FRMD4B: variants seen among roughly 807,000 people sequenced by gnomAD.
FRMD4B encodes FERM domain-containing protein 4B.
In FRMD4B, 74 loss-of-function variants were observed where a neutral mutation model predicts 141.5. The observed-to-expected ratio is 0.52, with a 90% CI of 0.43 to 0.63. The LOEUF (loss-of-function observed/expected upper bound fraction) is 0.63. Ranked by LOEUF, FRMD4B falls within the 30% of genes least tolerant of loss-of-function variation. FRMD4B has a pLI of 0.00. For synonymous variants in FRMD4B, 506 were observed against 467.9 expected, an observed-to-expected ratio of 1.08 and a Z score of -1.05; for missense variants, 1,366 against 1,253.4, an observed-to-expected ratio of 1.09 and a Z score of -1.36.
chr3:69,373,833 A>T (rs2872807), intron 1 of FRMD4B, among the ~76,000 whole-genome samples: 142,162 of 152,346 alleles, frequency 0.93, 66,324 homozygotes, highest in East Asian at 0.97. Flanking sequence ...TGATTGCACC[A>T]ATGCACTCTA....
At chr3:69,269,122 T>C (rs1408146043) in intron 5 of FRMD4B, among the ~76,000 whole-genome samples, 1 of 151,588 alleles carries the variant, frequency 6.6e-6, no homozygotes. Flanking sequence ...AGAGATGAGC[T>C]TTCTCCATGT....
intron 14 of FRMD4B, 24 bp downstream of exon 14, chr3:69,196,231 C>A: frequency 1.9e-6 from 3 of 1,541,168 alleles, no homozygotes; most frequent in Non-Finnish European, 2.6e-6. Flanking sequence ...ATGGCTTGCA[C>A]GTTCTCTAAT....
At chr3:69,416,292 G>T (rs1704858782) in intron 2 of FRMD4B, among the ~76,000 whole-genome samples, 1 of 152,172 alleles carries the variant, frequency 6.6e-6, no homozygotes, top group South Asian at 2.1e-4. Context: ...TTTTTGTAGA[G>T]ACAGGGTCTC....
intron 1 of FRMD4B, among the ~76,000 whole-genome samples, chr3:69,361,306 C>T (rs548557679): frequency 2.2e-4 from 34 of 152,252 alleles, no homozygotes; most frequent in Admixed American, 2.1e-3. Flanking sequence ...AGCTTCCTTG[C>T]TACCTGGGAT....
chr3:69,541,849 C>A (rs191837429), intron 1 of FRMD4B, among the ~76,000 whole-genome samples: 60 of 149,970 alleles, frequency 4.0e-4, no homozygotes, highest in African/African-American at 1.5e-3. Context: ...TGGGCTTCAT[C>A]AGCTTTTCTC....
At chr3:69,209,872 T>C (rs2093059085) in intron 11 of FRMD4B, among the ~76,000 whole-genome samples, 1 of 152,216 alleles carries the variant, frequency 6.6e-6, no homozygotes. Context: ...GTGTCAGAAG[T>C]AGCTTCTAAT....
At chr3:69,214,570 C>G (rs2093119944) in intron 11 of FRMD4B, among the ~76,000 whole-genome samples, 1 of 152,250 alleles carries the variant, frequency 6.6e-6, no homozygotes, top group East Asian at 1.9e-4. Flanking sequence ...TCAAGAGAAG[C>G]AGATTCAGCT....
At chr3:69,246,772 G>A (rs144872850) in intron 7 of FRMD4B, among the ~76,000 whole-genome samples, 101 of 152,316 alleles carry the variant, frequency 6.6e-4, no homozygotes, top group African/African-American at 2.3e-3. Context: ...AAAACAGTGT[G>A]CGCCACTTCA....
chr3:69,216,330 CA>C lies in FRMD4B; in HGVS notation c.808del (p.Trp270GlyfsTer5). The C allele has an allele frequency of 6.4e-7, 1 of 1,562,280 alleles. No homozygotes were observed. Among genetic ancestry groups the C allele is most frequent in the Non-Finnish European group, 8.7e-7 (1 of 1,143,632 alleles). Reference sequence around the variant, plus strand: ...TCCCTTATAGCTTATTCCAAGCCACCAAGGAAGTCCTTGCTTATCCTAGAAG... The same window carrying C: ...TCCCTTATAGCTTATTCCAAGCCACCAGGAAGTCCTTGCTTATCCTAGAAG... ...YAVKDKQGLP[W>X]WLGISYKGIG... On this transcript the variant is annotated frameshift_variant, in exon 11 of 23. Coordinates refer to ENST00000398540, the MANE Select transcript of FRMD4B (RefSeq NM_015123.3). LOFTEE classifies it high-confidence loss of function.
At chr3:69,389,446 G>A (rs1704335712), upstream of FRMD4B, among the ~76,000 whole-genome samples, 1 of 152,196 alleles carries the variant, frequency 6.6e-6, no homozygotes, top group African/African-American at 2.4e-5. Context: ...GTGAAAGTTT[G>A]TGGCAACTTG....
intron 1 of FRMD4B, among the ~76,000 whole-genome samples, chr3:69,454,871 A>G (rs1705564768): frequency 6.6e-6 from 1 of 152,220 alleles, no homozygotes; most frequent in Non-Finnish European, 1.5e-5. Flanking sequence ...GGGATCCACT[A>G]GGGAAGTCAG....
At chr3:69,325,085 A>AAGAAAGAAAGGAAGAAAGAAAG (rs1553724229) in intron 1 of FRMD4B, among the ~76,000 whole-genome samples, 2 of 79,996 alleles carry the variant, frequency 2.5e-5, no homozygotes, top group African/African-American at 9.3e-5. Context: ...TAAAAAAAAA[A>AAGAAAGAAAGGAAGAAAGAAAG]AAAGAAAGAA....
chr3:69,470,915 C>T (rs1220549385), intron 1 of FRMD4B, among the ~76,000 whole-genome samples: 1 of 152,172 alleles, frequency 6.6e-6, no homozygotes, highest in Non-Finnish European at 1.5e-5. Context: ...TCCCACATGG[C>T]CGACAGGCTT....
intron 2 of FRMD4B, among the ~76,000 whole-genome samples, chr3:69,420,014 G>A (rs960875676): frequency 1.3e-5 from 2 of 151,998 alleles, no homozygotes; most frequent in African/African-American, 2.4e-5. Flanking sequence ...CCACCACCAC[G>A]CCCAGCTAAT....
intron 1 of FRMD4B, among the ~76,000 whole-genome samples, chr3:69,501,591 A>G (rs1190093698): frequency 2.6e-5 from 4 of 152,170 alleles, no homozygotes; most frequent in African/African-American, 9.7e-5. Flanking sequence ...ATGGGCAAAA[A>G]CTGGAAGCAT....
intron 7 of FRMD4B, among the ~76,000 whole-genome samples, chr3:69,243,484 C>A (rs1035799736): frequency 6.6e-6 from 1 of 152,044 alleles, no homozygotes; most frequent in African/African-American, 2.4e-5. Context: ...GCCTTGAATG[C>A]CAGGTTGTGC....
intron 1 of FRMD4B, among the ~76,000 whole-genome samples, chr3:69,433,719 A>C (rs1705215259): frequency 6.6e-6 from 1 of 152,234 alleles, no homozygotes; most frequent in Non-Finnish European, 1.5e-5. Flanking sequence ...CAGAAAGGAG[A>C]AAAGGTTGAG....
chr3:69,312,833 G>A (rs1466428049), intron 2 of FRMD4B, among the ~76,000 whole-genome samples: 2 of 152,090 alleles, frequency 1.3e-5, no homozygotes, highest in African/African-American at 4.8e-5. Flanking sequence ...AGGTTGCAGT[G>A]AGCTGAGATT....
At chr3:69,458,596 T>A (rs1406900300) in intron 1 of FRMD4B, among the ~76,000 whole-genome samples, 1 of 152,148 alleles carries the variant, frequency 6.6e-6, no homozygotes, top group Non-Finnish European at 1.5e-5. Context: ...TCAAAAAATA[T>A]AGCCAGCCAA....
Sources: allele counts gnomAD v4.1 joint callset (sites outside exome capture counted in the v4.1 genomes callset), GRCh38; gene constraint gnomAD v4.1.1; transcripts MANE v1.5; gene names NCBI Gene and HGNC (gene_info 2026-07-23, HGNC 2026-07-21).